CREB5: variants seen among roughly 807,000 people sequenced by gnomAD.
The protein encoded by CREB5 is cyclic AMP-responsive element-binding protein 5.
In CREB5, 19 loss-of-function variants were observed where a neutral mutation model predicts 57.1. The observed-to-expected ratio is 0.33, with a 90% CI of 0.23 to 0.49. CREB5 has a LOEUF of 0.49. Ranked by LOEUF, CREB5 falls within the 20% of genes least tolerant of loss-of-function variation. The pLI, the probability that CREB5 is intolerant of heterozygous loss-of-function variation, is 0.99. For synonymous variants in CREB5, 238 were observed against 238.3 expected (o/e 1.00, Z 0.01); for missense variants, 579 against 671.6 (o/e 0.86, Z 1.52).
chr7:28,480,167 C>T (rs1791263210), intron 1 of CREB5, among the ~76,000 whole-genome samples: 1 of 152,096 alleles, frequency 6.6e-6, no homozygotes, highest in Non-Finnish European at 1.5e-5. Context: ...TGCACTCAAA[C>T]TGCATTAAAA....
intron 1 of CREB5, among the ~76,000 whole-genome samples, chr7:28,345,694 G>A (rs1345049146): frequency 1.3e-5 from 2 of 152,182 alleles, no homozygotes; most frequent in Non-Finnish European, 2.9e-5. Context: ...TTAGCACTGG[G>A]CAAGTCGGGA....
At chr7:28,788,252 C>T (rs1807451487) in intron 7 of CREB5, among the ~76,000 whole-genome samples, 1 of 152,090 alleles carries the variant, frequency 6.6e-6, no homozygotes, top group Non-Finnish European at 1.5e-5. Flanking sequence ...GCACCCTCCT[C>T]CTCCCCCAAG....
chr7:28,760,763 C>T (rs1466930366), intron 7 of CREB5, among the ~76,000 whole-genome samples: 2 of 152,154 alleles, frequency 1.3e-5, no homozygotes, highest in Non-Finnish European at 2.9e-5. Context: ...GTAAAGCCTA[C>T]CTATGACTGG....
At chr7:28,685,123 C>G (rs1367195600) in intron 5 of CREB5, among the ~76,000 whole-genome samples, 1 of 152,176 alleles carries the variant, frequency 6.6e-6, no homozygotes, top group Non-Finnish European at 1.5e-5. Context: ...ACAGACGGCC[C>G]CACCCACACC....
intron 5 of CREB5, among the ~76,000 whole-genome samples, chr7:28,694,224 A>C (rs557517504): frequency 6.6e-6 from 1 of 152,336 alleles, no homozygotes; most frequent in African/African-American, 2.4e-5. Context: ...TTCCTCTGAA[A>C]TTAATCATAA....
At chr7:28,333,627 A>G (rs1173801806) in intron 1 of CREB5, among the ~76,000 whole-genome samples, 1 of 152,174 alleles carries the variant, frequency 6.6e-6, no homozygotes. Context: ...AGCTTCCACA[A>G]ATAAGTGAGA....
At chr7:28,623,779 C>G (rs1797891415) in intron 5 of CREB5, among the ~76,000 whole-genome samples, 1 of 152,160 alleles carries the variant, frequency 6.6e-6, no homozygotes, top group South Asian at 2.1e-4. Flanking sequence ...ATGCCAACAT[C>G]ATACATAGCA....
chr7:28,802,646 C>T (rs1015819786), intron 7 of CREB5, among the ~76,000 whole-genome samples: 1 of 152,228 alleles, frequency 6.6e-6, no homozygotes, highest in Non-Finnish European at 1.5e-5. Flanking sequence ...CTGCATTATA[C>T]AGTCCTTAGC....
chr7:28,446,651 G>C (rs1423251352), intron 1 of CREB5, among the ~76,000 whole-genome samples: 1 of 152,116 alleles, frequency 6.6e-6, no homozygotes, highest in Non-Finnish European at 1.5e-5. Context: ...AATTAGCTGG[G>C]CGTGGTGGTG....
chr7:28,591,556 T>A (rs1796517582), intron 5 of CREB5, among the ~76,000 whole-genome samples: 1 of 152,170 alleles, frequency 6.6e-6, no homozygotes, highest in Non-Finnish European at 1.5e-5. Context: ...TGCTTCCACC[T>A]GCCTTCAGAA....
chr7:28,536,658 A>G (rs1427715091), intron 4 of CREB5, among the ~76,000 whole-genome samples: 1 of 152,228 alleles, frequency 6.6e-6, no homozygotes, highest in Non-Finnish European at 1.5e-5. Context: ...TGATAGCATT[A>G]GTGCCTTTAC....
chr7:28,457,675 G>T (rs1256781285), intron 1 of CREB5, among the ~76,000 whole-genome samples: 2 of 152,176 alleles, frequency 1.3e-5, no homozygotes, highest in African/African-American at 2.4e-5. Context: ...CTTTCAGACA[G>T]AGAAACAAAG....
At chr7:28,379,884 G>A (rs1166262660) in intron 1 of CREB5, among the ~76,000 whole-genome samples, 1 of 152,110 alleles carries the variant, frequency 6.6e-6, no homozygotes, top group Admixed American at 6.5e-5. Flanking sequence ...GGAGGAGTTC[G>A]GAAATCAGTA....
intron 7 of CREB5, among the ~76,000 whole-genome samples, chr7:28,747,198 G>C (rs1358550087): frequency 6.6e-6 from 1 of 152,028 alleles, no homozygotes; most frequent in Non-Finnish European, 1.5e-5. Context: ...CAGATGGAGA[G>C]GAAAAGATAC....
intron 3 of CREB5, among the ~76,000 whole-genome samples, chr7:28,502,923 A>T (rs10273078): frequency 0.75 from 113,595 of 152,140 alleles, 43,285 homozygotes; most frequent in African/African-American, 0.88. Flanking sequence ...GGTAGCAATC[A>T]ATTATTAAAT....
At chr7:28,814,494 A>G (rs992700503) in intron 9 of CREB5, among the ~76,000 whole-genome samples, 1 of 152,226 alleles carries the variant, frequency 6.6e-6, no homozygotes, top group African/African-American at 2.4e-5. Flanking sequence ...GAAGCATAAG[A>G]GGTGCTAGAA....
chr7:28,496,771 G>A (rs1184261476), intron 3 of CREB5, among the ~76,000 whole-genome samples: 6 of 149,470 alleles, frequency 4.0e-5, no homozygotes, highest in African/African-American at 1.5e-4. Context: ...CCCACCACTC[G>A]CCACCTCTCA....
At chr7:28,570,116 G>T (rs1175188526) in intron 4 of CREB5, among the ~76,000 whole-genome samples, 3 of 152,188 alleles carry the variant, frequency 2.0e-5, no homozygotes, top group African/African-American at 4.8e-5. Context: ...CTCACATCAG[G>T]ATGGCAGCAG....
intron 1 of CREB5, among the ~76,000 whole-genome samples, chr7:28,487,415 G>C (rs1791609502): frequency 6.6e-6 from 1 of 152,162 alleles, no homozygotes; most frequent in African/African-American, 2.4e-5. Flanking sequence ...CCTTATTCCA[G>C]ATGATGTATT....
Sources: allele counts gnomAD v4.1 joint callset (sites outside exome capture counted in the v4.1 genomes callset), GRCh38; gene constraint gnomAD v4.1.1; transcripts MANE v1.5; gene names NCBI Gene and HGNC (gene_info 2026-07-23, HGNC 2026-07-21).